Variants in SPMIP4 observed in about 807,000 individuals in gnomAD.
SPMIP4 encodes sperm microtubule inner protein 4.
At chr7:25,125,881 G>T in the SPMIP4 span, 1 of 983,706 alleles carries the variant, frequency 1.0e-6, no homozygotes, top group South Asian at 4.7e-5. Flanking sequence ...CCTATACTCT[G>T]TTACTTTCAG....
the SPMIP4 span, among the ~76,000 whole-genome samples, chr7:25,131,173 T>C: frequency 1.3e-5 from 2 of 152,218 alleles, no homozygotes; most frequent in African/African-American, 2.4e-5. The surrounding 1 kb of genome is among the most constrained non-coding windows in gnomAD (Gnocchi z 4.2). Context: ...GGGATCTAGG[T>C]TGCATGCTCC....
the SPMIP4 span, among the ~76,000 whole-genome samples, chr7:25,132,312 G>A: frequency 6.6e-6 from 1 of 152,194 alleles, no homozygotes; most frequent in Admixed American, 6.5e-5. This position sits in a 1 kb window ranked among gnomAD's most constrained non-coding sequence, Gnocchi z 5.0. Context: ...TCCCAGCTAA[G>A]CTTGGGGATT....
At chr7:25,165,277 A>G in the SPMIP4 span, among the ~76,000 whole-genome samples, 1 of 151,918 alleles carries the variant, frequency 6.6e-6, no homozygotes, top group African/African-American at 2.4e-5. Context: ...TTCATATAGG[A>G]TGCATTGGTG....
At chr7:25,165,155 C>CTCAT in the SPMIP4 span, among the ~76,000 whole-genome samples, 1 of 152,300 alleles carries the variant, frequency 6.6e-6, no homozygotes, top group South Asian at 2.1e-4. Flanking sequence ...CAATGATAGC[C>CTCAT]TCATGACCAG....
At chr7:25,168,387 C>G in the SPMIP4 span, 6 of 1,613,298 alleles carry the variant, frequency 3.7e-6, 1 homozygote, top group South Asian at 6.6e-5. Context: ...GGAGTGAAAT[C>G]GGTATTATCC....
At chr7:25,163,751 T>G in the SPMIP4 span, among the ~76,000 whole-genome samples, 1 of 152,212 alleles carries the variant, frequency 6.6e-6, no homozygotes, top group Admixed American at 6.5e-5. The surrounding 1 kb of genome is among the most constrained non-coding windows in gnomAD (Gnocchi z 4.4). Context: ...ATAATTACAT[T>G]GAACCCCTTC....
chr7:25,126,586 C>T, the SPMIP4 span, among the ~76,000 whole-genome samples: 1 of 152,204 alleles, frequency 6.6e-6, no homozygotes, highest in Non-Finnish European at 1.5e-5. Flanking sequence ...TAACTTCACT[C>T]TCCCCACTTT....
chr7:25,152,329 T>G, the SPMIP4 span, among the ~76,000 whole-genome samples: 6 of 152,234 alleles, frequency 3.9e-5, no homozygotes, highest in Admixed American at 6.5e-5. Flanking sequence ...GTTTTATATC[T>G]GATAAGCTTT....
chr7:25,143,536 A>G, the SPMIP4 span, among the ~76,000 whole-genome samples: 47 of 152,214 alleles, frequency 3.1e-4, 1 homozygote, highest in East Asian at 8.1e-3. Context: ...CACAAATGAC[A>G]AAAAGATTTT....
chr7:25,136,385 G>T, the SPMIP4 span: 6 of 1,614,164 alleles, frequency 3.7e-6, no homozygotes, highest in Non-Finnish European at 5.1e-6. The surrounding 1 kb of genome is among the most constrained non-coding windows in gnomAD (Gnocchi z 5.7). Flanking sequence ...TTACAGTAAG[G>T]TGTGGGTTGG....
chr7:25,171,860 C>A, the SPMIP4 span, among the ~76,000 whole-genome samples: 9 of 152,210 alleles, frequency 5.9e-5, no homozygotes, highest in African/African-American at 2.2e-4. Context: ...TTAACCAGTT[C>A]CCCTGTGGCC....
At chr7:25,131,954 G>A in the SPMIP4 span, among the ~76,000 whole-genome samples, 6 of 152,156 alleles carry the variant, frequency 3.9e-5, no homozygotes, top group Admixed American at 6.5e-5. This position sits in a 1 kb window ranked among gnomAD's most constrained non-coding sequence, Gnocchi z 4.2. Flanking sequence ...CTGCGACGGC[G>A]GCAAACAGCA....
At chr7:25,148,206 C>T in the SPMIP4 span, among the ~76,000 whole-genome samples, 1 of 152,158 alleles carries the variant, frequency 6.6e-6, no homozygotes, top group African/African-American at 2.4e-5. Flanking sequence ...GCAACCTGCA[C>T]CCCTGGTGAT....
At chr7:25,134,931 G>A in the SPMIP4 span, 2 of 985,256 alleles carry the variant, frequency 2.0e-6, no homozygotes, top group Non-Finnish European at 2.4e-6. Context: ...AATGTAACTA[G>A]TGCTGTACAG....
At chr7:25,179,359 G>T in the SPMIP4 span, 1 of 1,579,928 alleles carries the variant, frequency 6.3e-7, no homozygotes, top group Non-Finnish European at 8.6e-7. Flanking sequence ...GGGCACATTT[G>T]GCTTGTCGAG....
the SPMIP4 span, among the ~76,000 whole-genome samples, chr7:25,168,672 C>T: frequency 6.6e-6 from 1 of 151,544 alleles, no homozygotes; most frequent in East Asian, 1.9e-4. Flanking sequence ...TTTCTGAGGA[C>T]TTACAGATTA....
At chr7:25,161,539 A>C in the SPMIP4 span, among the ~76,000 whole-genome samples, 1 of 150,788 alleles carries the variant, frequency 6.6e-6, no homozygotes, top group Non-Finnish European at 1.5e-5. Flanking sequence ...GCCTGGCCAA[A>C]GGTGTCATTT....
the SPMIP4 span, among the ~76,000 whole-genome samples, chr7:25,143,010 A>C: frequency 6.6e-6 from 1 of 152,190 alleles, no homozygotes; most frequent in Non-Finnish European, 1.5e-5. Flanking sequence ...ATATTCTATC[A>C]AATAAATGGT....
chr7:25,151,561 C>CT, the SPMIP4 span: 1 of 1,328,840 alleles, frequency 7.5e-7, no homozygotes, highest in South Asian at 1.2e-5. Context: ...ATATTTGTTA[C>CT]TTTCCTTTAA....
Sources: allele counts gnomAD v4.1 joint callset (sites outside exome capture counted in the v4.1 genomes callset), GRCh38; gene constraint gnomAD v4.1.1; non-coding constraint Gnocchi (gnomAD v3.1); transcripts MANE v1.5; gene names NCBI Gene and HGNC (gene_info 2026-07-23, HGNC 2026-07-21).